Variants in ATF7IP observed in about 807,000 individuals in gnomAD.
ATF7IP encodes activating transcription factor 7 interacting protein, also known as activating transcription factor 7-interacting protein 1.
ATF7IP carries 23 observed loss-of-function variants against 106.4 expected under a neutral mutation model. That is an observed-to-expected ratio of 0.22 (90% CI 0.16 to 0.31). The LOEUF is 0.31. Ranked by LOEUF, ATF7IP falls within the 10% of genes least tolerant of loss-of-function variation. The probability of loss-of-function intolerance (pLI) is 1.00; values close to 1 mark genes in which losing one functional copy is unlikely to be tolerated. For synonymous variants in ATF7IP, 542 were observed against 539.0 expected (o/e 1.01, Z -0.08); for missense variants, 1,334 against 1,524.3 (o/e 0.88, Z 2.08).
chr12:14,417,618 A>G (rs1941269700), intron 1 of ATF7IP, among the ~76,000 whole-genome samples: 1 of 152,154 alleles, frequency 6.6e-6, no homozygotes, highest in Admixed American at 6.5e-5. Flanking sequence ...CTTATTCCTC[A>G]GGTAGGAAAT....
At chr12:14,383,284 T>G (rs1467106861) in intron 1 of ATF7IP, among the ~76,000 whole-genome samples, 2 of 152,218 alleles carry the variant, frequency 1.3e-5, no homozygotes, top group Non-Finnish European at 2.9e-5. Flanking sequence ...TAGTCAGGAT[T>G]TACATTGGAA....
intron 1 of ATF7IP, chr12:14,419,118 C>T (rs1411503486): frequency 6.6e-6 from 1 of 152,068 alleles, no homozygotes; most frequent in East Asian, 1.9e-4. Flanking sequence ...ATTCCAAGTG[C>T]TTAATGTATA....
At chr12:14,416,802 G>A in intron 1 of ATF7IP, 1 of 503,622 alleles carries the variant, frequency 2.0e-6, no homozygotes, top group African/African-American at 2.1e-5. Flanking sequence ...ATGTCTGATT[G>A]GTTTTAGACT....
chr12:14,382,811 ATGG>A (rs1423191558), intron 1 of ATF7IP, among the ~76,000 whole-genome samples: 1 of 152,222 alleles, frequency 6.6e-6, no homozygotes, highest in Non-Finnish European at 1.5e-5. Flanking sequence ...AAGTAATGAA[ATGG>A]TGGTAAGTAT....
rs1378307658 is a variant in ATF7IP, at chr12:14,424,217, A to G, written c.302A>G (p.Asn101Ser). Residue 101 changes from asparagine (N) to serine (S), a missense_variant, in exon 2 of 15, where the codon AAC becomes AGC. Asn to Ser is a conservative substitution (Grantham distance 46). Coordinates refer to ENST00000261168, the MANE Select transcript of ATF7IP (RefSeq NM_018179.5). ...TGTATCCTAAGTGTTAATGTAAAAA[A>G]CAAGCAGGATGATGATTTAAATTGT... The part of the protein sequence containing the change: ...TPCILSVNVK[N>S]KQDDDLNCEP... 3.7e-6 allele frequency: 6 copies of G among 1,614,074 alleles called. No individual in the cohort carries two copies. The highest frequency in any genetic ancestry group is 2.2e-5 in the East Asian group (1 of 44,888).
intron 1 of ATF7IP, among the ~76,000 whole-genome samples, chr12:14,369,754 A>AT (rs1938458343): frequency 6.6e-6 from 1 of 151,528 alleles, no homozygotes; most frequent in South Asian, 2.1e-4. Context: ...GTGTGTTAAG[A>AT]TAAGTTGCTA....
intron 2 of ATF7IP, among the ~76,000 whole-genome samples, chr12:14,430,021 A>G (rs1027681881): frequency 6.6e-6 from 1 of 152,206 alleles, no homozygotes; most frequent in Non-Finnish European, 1.5e-5. Context: ...AGGTGACAAG[A>G]TGAAATCACC....
intron 13 of ATF7IP, among the ~76,000 whole-genome samples, chr12:14,490,178 T>A (rs1944764721): frequency 6.6e-6 from 1 of 152,226 alleles, no homozygotes; most frequent in Admixed American, 6.5e-5. Context: ...CATGAGCCCA[T>A]TGGGCGATGA....
chr12:14,442,562 T>A (rs1427302005), intron 5 of ATF7IP, among the ~76,000 whole-genome samples: 1 of 152,218 alleles, frequency 6.6e-6, no homozygotes, highest in African/African-American at 2.4e-5. Context: ...TGCAGTTGGT[T>A]TGGAAATAAA....
chr12:14,446,981 T>TC lies in ATF7IP; in HGVS notation c.1930-7_1930-6insC. 6.4e-7 allele frequency: 1 copy of TC among 1,559,220 alleles called. No homozygotes were observed. The highest frequency in any genetic ancestry group is 1.4e-5 in the African/African-American group (1 of 71,590). ...CCATTCATTTTTGTCTTTTTTTTTT[T>TC]TTTCAGGCCAAGATAGCCAGGTTAA... On this transcript the variant is annotated splice_polypyrimidine_tract_variant and splice_region_variant and intron_variant, in intron 5 of 14. Transcript: ENST00000261168.
At chr12:14,491,433 G>C (rs929938009) in intron 13 of ATF7IP, among the ~76,000 whole-genome samples, 1 of 152,182 alleles carries the variant, frequency 6.6e-6, no homozygotes, top group Non-Finnish European at 1.5e-5. Flanking sequence ...GAAGATCCCT[G>C]AATTTGGTCA....
intron 2 of ATF7IP, among the ~76,000 whole-genome samples, chr12:14,428,952 T>A (rs1941998356): frequency 1.3e-5 from 2 of 152,182 alleles, no homozygotes; most frequent in South Asian, 4.1e-4. Flanking sequence ...AAAATGATAA[T>A]CTGTTTAAAG....
chr12:14,430,487 T>G (rs998541917), intron 2 of ATF7IP, among the ~76,000 whole-genome samples: 1 of 152,244 alleles, frequency 6.6e-6, no homozygotes, highest in Admixed American at 6.5e-5. Flanking sequence ...TTTGCCATTC[T>G]GTATTGGTTA....
At chr12:14,436,083 A>G (rs1427095791) in intron 3 of ATF7IP, 23 bp from the exon 4 acceptor site, 2 of 1,609,714 alleles carry the variant, frequency 1.2e-6, no homozygotes, top group African/African-American at 1.3e-5. Context: ...CCTGAGTGTG[A>G]TCATTGTGGT....
intron 13 of ATF7IP, among the ~76,000 whole-genome samples, chr12:14,487,346 A>G (rs1459711328): frequency 2.6e-5 from 4 of 151,952 alleles, no homozygotes; most frequent in African/African-American, 7.3e-5. Context: ...CACACCTTCA[A>G]CCTCACCTCT....
intron 13 of ATF7IP, among the ~76,000 whole-genome samples, chr12:14,487,400 AAG>A (rs1363156220): frequency 6.6e-6 from 1 of 152,118 alleles, no homozygotes; most frequent in Non-Finnish European, 1.5e-5. Context: ...TCTAGAAGCA[AAG>A]AGAGGTGTTT....
At chr12:14,393,991 A>G (rs994638760) in intron 1 of ATF7IP, among the ~76,000 whole-genome samples, 2 of 152,190 alleles carry the variant, frequency 1.3e-5, no homozygotes, top group African/African-American at 4.8e-5. Flanking sequence ...TCTTGGGAAG[A>G]CATTCGTAAT....
chr12:14,424,721 T>G lies in ATF7IP; in HGVS notation c.806T>G (p.Leu269Arg). Residue 269 changes from leucine (L) to arginine (R), a missense_variant, in exon 2 of 15, where the codon CTG becomes CGG. This residue lies in a region of ATF7IP where 438 missense variants were observed against 405.3 expected (regional missense o/e 1.08). Transcript: ENST00000261168. Reference protein sequence around the residue: ...LSSSELASDDLATGELASDEL... With the variant: ...LSSSELASDDRATGELASDEL... ...TCTAGTGAACTGGCCTCTGATGATC[T>G]GGCCACTGGTGAACTGGCCTCTGAT... 2 of 1,614,142 alleles carry G rather than the reference T, an allele frequency of 1.2e-6. No homozygotes were observed. The highest frequency in any genetic ancestry group is 1.7e-6 in the Non-Finnish European group (2 of 1,180,012).
intron 6 of ATF7IP, among the ~76,000 whole-genome samples, chr12:14,455,130 A>G (rs896340267): frequency 1.3e-5 from 2 of 150,516 alleles, no homozygotes; most frequent in Admixed American, 6.6e-5. Flanking sequence ...GTGAGCCAAG[A>G]TGGTGCCGCA....
Sources: gnomAD v4.1 joint callset for allele counts (sites outside exome capture counted in the v4.1 genomes callset) on GRCh38, gnomAD v4.1.1 for gene constraint, gnomAD v4.1.1 regional missense constraint, MANE v1.5 for transcripts, NCBI Gene and HGNC (gene_info 2026-07-23, HGNC 2026-07-21) for gene names.